Variants in MCTP2 observed in about 807,000 individuals in gnomAD.
MCTP2 encodes the protein multiple C2 and transmembrane domain-containing protein 2.
A neutral mutation model predicts 111.6 loss-of-function variants in MCTP2; 132 were observed. That is an observed-to-expected ratio of 1.18 (90% CI 1.03 to 1.37). MCTP2 has a LOEUF of 1.37. Among genes scored for constraint, MCTP2 ranks in the 40% most tolerant of loss-of-function variants. MCTP2 has a pLI of 0.00. For synonymous variants in MCTP2, 395 were observed against 387.7 expected (o/e 1.02, Z -0.22); for missense variants, 1,183 against 1,067.9 (o/e 1.11, Z -1.50).
intron 1 of MCTP2, among the ~76,000 whole-genome samples, chr15:94,288,218 C>T (rs2074854144): frequency 6.6e-6 from 1 of 152,076 alleles, no homozygotes; most frequent in Non-Finnish European, 1.5e-5. Context: ...GTAGGTTGTT[C>T]CCGATTGTTG....
chr15:94,339,270 GT>G lies in MCTP2; in HGVS notation c.638-16del. The G allele has an allele frequency of 1.9e-6, 3 of 1,562,132 alleles. No homozygotes were observed. The highest frequency in any genetic ancestry group is 2.6e-6 in the Non-Finnish European group (3 of 1,154,170). ...TACATGTATTTTAAAATTCTGTCTT[GT>G]TTTCTTTTCCTTTTAAAGGCACAAG... On this transcript the variant is annotated intron_variant, in intron 4 of 22. Transcript: ENST00000357742.
intron 8 of MCTP2, among the ~76,000 whole-genome samples, chr15:94,349,936 T>C (rs2078213255): frequency 6.6e-6 from 1 of 152,172 alleles, no homozygotes; most frequent in African/African-American, 2.4e-5. Context: ...AAACTATTTA[T>C]TGTAGGACTC....
intron 14 of MCTP2, among the ~76,000 whole-genome samples, chr15:94,397,517 C>T (rs924193545): frequency 6.6e-6 from 1 of 152,158 alleles, no homozygotes; most frequent in Non-Finnish European, 1.5e-5. Flanking sequence ...TGTATCAAGG[C>T]GGAAGCTCAG....
intron 17 of MCTP2, among the ~76,000 whole-genome samples, chr15:94,430,891 TAC>T (rs2083150842): frequency 6.6e-6 from 1 of 152,228 alleles, no homozygotes; most frequent in South Asian, 2.1e-4. Context: ...TTTGCTCACT[TAC>T]TGCCCTCTCA....
chr15:94,357,559 GTT>G (rs367826696), intron 9 of MCTP2, among the ~76,000 whole-genome samples: 257 of 110,830 alleles, frequency 2.3e-3, no homozygotes, highest in African/African-American at 7.6e-3. Flanking sequence ...TTTTTTTTTT[GTT>G]TTTGTTTTTT....
intron 1 of MCTP2, among the ~76,000 whole-genome samples, chr15:94,295,670 C>T (rs7171579): frequency 0.29 from 43,944 of 152,024 alleles, 6,400 homozygotes; most frequent in African/African-American, 0.32. Flanking sequence ...TTCTTTACAA[C>T]GGACTTTTCA....
At position 94,334,451 on chromosome 15, in the gene MCTP2, A is replaced by G. The variant is rs1436310005; in HGVS notation, c.638-4839A>G. 3.9e-5 allele frequency among the ~76,000 whole-genome samples: 6 copies of G among 152,226 alleles called. No homozygotes were observed. The East Asian group carries it at 1.2e-3, about 29-fold the overall frequency. Reference sequence around the variant, plus strand: ...GAGCTTTGATTTGGAGAAATTTAATAATATACTCATAGGTGGTCCAAATAA... The same window carrying G: ...GAGCTTTGATTTGGAGAAATTTAATGATATACTCATAGGTGGTCCAAATAA... On this transcript the variant is annotated intron_variant, in intron 4 of 22. Coordinates refer to ENST00000357742, the MANE Select transcript of MCTP2 (RefSeq NM_001385001.1).
Position 94,390,725 on chromosome 15 carries a change from C to CTTTTTT in MCTP2, c.1788+5217_1788+5222dup, listed in dbSNP as rs777312969. On this transcript the variant is annotated intron_variant, in intron 14 of 22. Transcript: ENST00000357742. ...GAAGACCTGCAATTTCTTTTCTTTT[C>CTTTTTT]TTTTTTTTTTTTTTTTTTTTTTGGG... 6.4e-3 allele frequency among the ~76,000 whole-genome samples: 727 copies of CTTTTTT among 112,860 alleles called. 18 individuals carry two copies. The highest frequency in any genetic ancestry group is 0.02 in the African/African-American group (577 of 29,194). The allele number at this position is 112,860 out of a possible 152,430, so 74.0% of individuals were successfully genotyped here.
At chr15:94,354,757 T>C (rs1477777818) in intron 8 of MCTP2, among the ~76,000 whole-genome samples, 2 of 152,190 alleles carry the variant, frequency 1.3e-5, no homozygotes, top group African/African-American at 4.8e-5. Context: ...CGTCACTTAT[T>C]AAGAGTGGTG....
intron 1 of MCTP2, among the ~76,000 whole-genome samples, chr15:94,246,556 C>G (rs567688721): frequency 6.6e-6 from 1 of 152,110 alleles, no homozygotes; most frequent in Non-Finnish European, 1.5e-5. Context: ...GTCATGTTTA[C>G]CTCCCTTAAT....
At chr15:94,236,160 T>C (rs1477983315) in intron 1 of MCTP2, among the ~76,000 whole-genome samples, 2 of 152,106 alleles carry the variant, frequency 1.3e-5, no homozygotes, top group Non-Finnish European at 2.9e-5. Flanking sequence ...GTGGCCTTGT[T>C]TCCTTGTTTA....
At chr15:94,407,777 A>ACG (rs2081975084) in intron 17 of MCTP2, among the ~76,000 whole-genome samples, 1 of 5,296 alleles carries the variant, frequency 1.9e-4, no homozygotes, top group Non-Finnish European at 9.6e-4. Context: ...GTACTTGTGC[A>ACG]CACACACACA....
At chr15:94,289,491 A>T (rs1279492556) in intron 1 of MCTP2, among the ~76,000 whole-genome samples, 2 of 152,228 alleles carry the variant, frequency 1.3e-5, no homozygotes, top group East Asian at 3.8e-4. Context: ...CAGATGAGAA[A>T]TGGTACAAGA....
chr15:94,414,847 T>C (rs1470528645), intron 17 of MCTP2, among the ~76,000 whole-genome samples: 1 of 152,174 alleles, frequency 6.6e-6, no homozygotes, highest in Non-Finnish European at 1.5e-5. Flanking sequence ...AATACACTTT[T>C]TTACATTACA....
intron 1 of MCTP2, among the ~76,000 whole-genome samples, chr15:94,257,556 C>CTTTTTTT (rs1555442169): frequency 1.3e-5 from 1 of 75,652 alleles, no homozygotes. Flanking sequence ...TATTTGTTGT[C>CTTTTTTT]ATTTTCTTTG....
At chr15:94,401,435 A>G (rs1267836234) in intron 16 of MCTP2, among the ~76,000 whole-genome samples, 1 of 152,212 alleles carries the variant, frequency 6.6e-6, no homozygotes, top group East Asian at 1.9e-4. Context: ...TAGATAAGCT[A>G]TAATACTTGC....
intron 1 of MCTP2, among the ~76,000 whole-genome samples, chr15:94,243,906 CAT>C (rs572670262): frequency 9.0e-5 from 12 of 133,976 alleles, no homozygotes; most frequent in South Asian, 4.8e-4. Flanking sequence ...TATACACATA[CAT>C]ATGTGTATAT....
chr15:94,401,878 G>C, intron 16 of MCTP2, 22 bp from the exon 17 acceptor site: 1 of 1,590,198 alleles, frequency 6.3e-7, no homozygotes, highest in Non-Finnish European at 8.6e-7. Context: ...CTAGTTTCCT[G>C]TTTGTCATTT....
intron 12 of MCTP2, among the ~76,000 whole-genome samples, chr15:94,375,981 T>C (rs991545220): frequency 3.3e-5 from 5 of 152,140 alleles, no homozygotes; most frequent in Non-Finnish European, 5.9e-5. Context: ...ACCACAGATA[T>C]TCATTGAGCA....
Sources: gnomAD v4.1 joint callset for allele counts (sites outside exome capture counted in the v4.1 genomes callset) on GRCh38, gnomAD v4.1.1 for gene constraint, MANE v1.5 for transcripts, NCBI Gene and HGNC (gene_info 2026-07-23, HGNC 2026-07-21) for gene names.